The following CRB1 variants were observed in gnomAD, a reference collection of about 807,000 sequenced individuals.
CRB1 encodes the protein protein crumbs homolog 1.
A neutral mutation model predicts 120.0 loss-of-function variants in CRB1; 83 were observed. The observed-to-expected ratio is 0.69, with a 90% CI of 0.58 to 0.83. The LOEUF (loss-of-function observed/expected upper bound fraction) is 0.83, where lower values mean the gene tolerates loss of function less well. Among genes scored for constraint, CRB1 ranks in the 40% least tolerant of loss-of-function variants. The pLI is 0.00. For synonymous variants in CRB1, 625 were observed against 612.5 expected, an observed-to-expected ratio of 1.02 and a Z score of -0.30; for missense variants, 1,699 against 1,687.6, an observed-to-expected ratio of 1.01 and a Z score of -0.12.
At chr1:197,253,108 C>T in the CRB1 span, among the ~76,000 whole-genome samples, 1 of 151,962 alleles carries the variant, frequency 6.6e-6, no homozygotes, top group Non-Finnish European at 1.5e-5. Context: ...ACTCTCTAAA[C>T]TTTATGGCAT....
intron 11 of CRB1, among the ~76,000 whole-genome samples, chr1:197,469,689 C>G (rs997515354): frequency 5.3e-5 from 8 of 152,080 alleles, no homozygotes; most frequent in South Asian, 2.1e-4. Flanking sequence ...CCAAAATAGG[C>G]CAAGCTAATG....
At position 197,345,403 on chromosome 1, in the gene CRB1, T is replaced by C. The variant is rs142600470; in HGVS notation, c.848+927T>C. On this transcript the variant is annotated intron_variant, in intron 3 of 11. Transcript: ENST00000367400. Reference sequence around the variant, plus strand: ...GAATGGTTTTCCTTTATTTAGTAAATAAGACATAATTTATGCCAAATCTAA... The same window carrying C: ...GAATGGTTTTCCTTTATTTAGTAAACAAGACATAATTTATGCCAAATCTAA... 2.7e-5 allele frequency among the ~76,000 whole-genome samples: 4 copies of C among 150,514 alleles called. No individual in the cohort carries two copies. The East Asian group carries it at 7.8e-4, about 30-fold the overall frequency.
At chr1:197,262,427 T>A in the CRB1 span, among the ~76,000 whole-genome samples, 19 of 152,228 alleles carry the variant, frequency 1.2e-4, no homozygotes, top group Non-Finnish European at 1.6e-4. Context: ...ATCATTTTGA[T>A]TATTGTTCTA....
the CRB1 span, among the ~76,000 whole-genome samples, chr1:197,207,125 T>C: frequency 6.6e-6 from 1 of 152,052 alleles, no homozygotes; most frequent in Non-Finnish European, 1.5e-5. Flanking sequence ...GTTGAGTCTC[T>C]TGAAGACAGC....
chr1:197,276,243 A>G (rs1655199831), intron 1 of CRB1, among the ~76,000 whole-genome samples: 1 of 151,742 alleles, frequency 6.6e-6, no homozygotes. Context: ...AGGAATTAGC[A>G]TGACTATTTG....
At chr1:197,291,767 GTACA>G (rs1558033421) in intron 1 of CRB1, among the ~76,000 whole-genome samples, 1 of 151,668 alleles carries the variant, frequency 6.6e-6, no homozygotes, top group African/African-American at 2.4e-5. Flanking sequence ...TGCATTATAT[GTACA>G]TACATGTGTA....
the CRB1 span, among the ~76,000 whole-genome samples, chr1:197,231,894 A>G: frequency 2.0e-5 from 3 of 152,148 alleles, no homozygotes; most frequent in Non-Finnish European, 4.4e-5. Flanking sequence ...TCGACCAAAG[A>G]TGTCTATGTC....
intron 11 of CRB1, among the ~76,000 whole-genome samples, chr1:197,452,966 A>G (rs1666042103): frequency 6.6e-6 from 1 of 152,196 alleles, no homozygotes; most frequent in Non-Finnish European, 1.5e-5. Flanking sequence ...ATAATAGCCA[A>G]TAGATGGAAA....
the CRB1 span, among the ~76,000 whole-genome samples, chr1:197,231,365 C>T: frequency 1.3e-5 from 2 of 152,096 alleles, no homozygotes; most frequent in Non-Finnish European, 2.9e-5. Flanking sequence ...CTACCATTTG[C>T]CCACTGCCAG....
chr1:197,397,251 A>G (rs1477514174), intron 5 of CRB1, among the ~76,000 whole-genome samples: 2 of 152,152 alleles, frequency 1.3e-5, no homozygotes, highest in African/African-American at 2.4e-5. Flanking sequence ...TTTTATATAC[A>G]TGTATTAGTG....
At chr1:197,222,619 T>C in the CRB1 span, 2,927 of 773,426 alleles carry the variant, frequency 3.8e-3, 70 homozygotes, top group African/African-American at 0.043. Context: ...GTGTATTTGG[T>C]AGGGAAGGCA....
chr1:197,362,695 T>TA (rs1045010374), intron 5 of CRB1, among the ~76,000 whole-genome samples: 1 of 152,106 alleles, frequency 6.6e-6, no homozygotes, highest in Non-Finnish European at 1.5e-5. Flanking sequence ...TTCCTGCCTT[T>TA]AAAAAAATTA....
At chr1:197,237,578 T>C in the CRB1 span, among the ~76,000 whole-genome samples, 1 of 152,226 alleles carries the variant, frequency 6.6e-6, no homozygotes, top group African/African-American at 2.4e-5. Context: ...TTATTTATTA[T>C]TTCTTTTACA....
At chr1:197,468,987 C>T (rs929852678) in intron 11 of CRB1, among the ~76,000 whole-genome samples, 1 of 152,172 alleles carries the variant, frequency 6.6e-6, no homozygotes, top group Non-Finnish European at 1.5e-5. Flanking sequence ...CTGGAACCCC[C>T]CGGCCCCGGC....
At chr1:197,292,701 G>A (rs1390833134) in intron 1 of CRB1, among the ~76,000 whole-genome samples, 1 of 152,030 alleles carries the variant, frequency 6.6e-6, no homozygotes, top group African/African-American at 2.4e-5. Context: ...ACATCAAAAA[G>A]CTTATCCACC....
the CRB1 span, chr1:197,223,267 G>T: frequency 2.2e-6 from 2 of 924,254 alleles, no homozygotes; most frequent in Non-Finnish European, 3.5e-6. Flanking sequence ...TATTCCTTGT[G>T]CCAGAATTAG....
chr1:197,452,133 A>G (rs1306806802), intron 11 of CRB1, among the ~76,000 whole-genome samples: 1 of 152,180 alleles, frequency 6.6e-6, no homozygotes, highest in Non-Finnish European at 1.5e-5. Context: ...TCAGAGAGAG[A>G]GAGTGCTTTA....
At chr1:197,446,222 T>A (rs1387833006) in intron 11 of CRB1, among the ~76,000 whole-genome samples, 2 of 151,826 alleles carry the variant, frequency 1.3e-5, no homozygotes, top group Non-Finnish European at 2.9e-5. Context: ...ACAAATAGTC[T>A]TAGGATGTAA....
chr1:197,228,263 A>G, the CRB1 span, among the ~76,000 whole-genome samples: 24 of 152,318 alleles, frequency 1.6e-4, no homozygotes, highest in East Asian at 4.4e-3. Context: ...TTTCTACTGC[A>G]TCGTCAGGCT....
Sources: gnomAD v4.1 joint callset for allele counts (sites outside exome capture counted in the v4.1 genomes callset) on GRCh38, gnomAD v4.1.1 for gene constraint, MANE v1.5 for transcripts, NCBI Gene and HGNC (gene_info 2026-07-23, HGNC 2026-07-21) for gene names.